RIN2: variants seen among roughly 807,000 people sequenced by gnomAD.
RIN2 encodes RAB5 interacting protein 2.
In RIN2, 36 loss-of-function variants were observed where a neutral mutation model predicts 78.0. The ratio of observed to expected loss-of-function variants is 0.46; its 90% CI spans 0.35 to 0.61. The LOEUF is 0.61. Ranked by LOEUF, RIN2 falls within the 20% of genes least tolerant of loss-of-function variation. The pLI is 0.00. For synonymous variants in RIN2, 466 were observed against 466.8 expected (o/e 1.00, Z 0.02); for missense variants, 1,087 against 1,159.7 (o/e 0.94, Z 0.91).
chr20:19,871,130 A>G (rs1299895510), intron 2 of RIN2, among the ~76,000 whole-genome samples: 1 of 152,210 alleles, frequency 6.6e-6, no homozygotes, highest in African/African-American at 2.4e-5. Context: ...TTATGAAGAG[A>G]AAGACAGGAG....
At chr20:19,999,045 C>T (rs911057057) in intron 12 of RIN2, among the ~76,000 whole-genome samples, 1 of 152,112 alleles carries the variant, frequency 6.6e-6, no homozygotes, top group East Asian at 1.9e-4. Context: ...GTTCAGCACT[C>T]GGCTCAGGGG....
intron 2 of RIN2, chr20:19,809,121 C>T (rs1251665780): frequency 6.6e-6 from 1 of 152,352 alleles, no homozygotes; most frequent in East Asian, 1.9e-4. Context: ...AAAAAGGAAG[C>T]CTCCTGAACT....
chr20:19,866,666 C>T (rs1395535441), intron 2 of RIN2, among the ~76,000 whole-genome samples: 2 of 151,950 alleles, frequency 1.3e-5, no homozygotes, highest in African/African-American at 4.8e-5. Flanking sequence ...CCTGTGTCAC[C>T]CAGGCGGGAG....
chr20:19,766,405 GA>G (rs1406151028), intron 1 of RIN2, among the ~76,000 whole-genome samples: 2 of 152,116 alleles, frequency 1.3e-5, no homozygotes, highest in Non-Finnish European at 2.9e-5. Flanking sequence ...ATCAGAGGTA[GA>G]GTCATTTCAA....
At chr20:19,910,570 CT>C (rs11476687) in intron 3 of RIN2, among the ~76,000 whole-genome samples, 30,935 of 127,702 alleles carry the variant, frequency 0.24, 3,632 homozygotes, top group East Asian at 0.48. Context: ...AGGAAGTGAA[CT>C]TTTTTTTTTT....
intron 2 of RIN2, chr20:19,886,858 A>G (rs2038221242): frequency 1.3e-6 from 1 of 789,404 alleles, no homozygotes; most frequent in Non-Finnish European, 2.0e-6. Flanking sequence ...ATCTGTGGGG[A>G]GGCATGGGGA....
At chr20:19,823,041 G>A (rs1168401208) in intron 2 of RIN2, among the ~76,000 whole-genome samples, 1 of 152,154 alleles carries the variant, frequency 6.6e-6, no homozygotes, top group Non-Finnish European at 1.5e-5. Context: ...GCTAAGAAGT[G>A]CTTTTTCATG....
At chr20:19,870,950 C>G (rs1397995134) in intron 2 of RIN2, among the ~76,000 whole-genome samples, 1 of 152,150 alleles carries the variant, frequency 6.6e-6, no homozygotes, top group Non-Finnish European at 1.5e-5. Context: ...TAGTTACTAT[C>G]GGTCCCCTTG....
At chr20:19,789,325 A>G (rs2034812214) in intron 1 of RIN2, among the ~76,000 whole-genome samples, 1 of 152,252 alleles carries the variant, frequency 6.6e-6, no homozygotes, top group South Asian at 2.1e-4. Context: ...TAGAAAAAAT[A>G]CAAGAGAAAT....
At chr20:19,885,384 G>A (rs1423445641) in intron 2 of RIN2, among the ~76,000 whole-genome samples, 2 of 152,274 alleles carry the variant, frequency 1.3e-5, no homozygotes, top group South Asian at 2.1e-4. Context: ...TGAAAATTGC[G>A]GCCGGGAGCG....
At chr20:19,862,467 C>A (rs2037372956) in intron 2 of RIN2, among the ~76,000 whole-genome samples, 1 of 152,170 alleles carries the variant, frequency 6.6e-6, no homozygotes, top group Non-Finnish European at 1.5e-5. Context: ...GTGGCAGGCA[C>A]CTGTAGTCCC....
intron 7 of RIN2, among the ~76,000 whole-genome samples, chr20:19,967,574 T>C (rs2041978466): frequency 6.6e-6 from 1 of 152,182 alleles, no homozygotes; most frequent in Non-Finnish European, 1.5e-5. Flanking sequence ...TTTGCCATAG[T>C]GGGAAGGCTC....
chr20:19,981,695 G>C (rs545800301), intron 9 of RIN2, among the ~76,000 whole-genome samples: 1 of 152,342 alleles, frequency 6.6e-6, no homozygotes, highest in South Asian at 2.1e-4. Context: ...AGAAACTGAA[G>C]TGGATCAAAG....
At chr20:19,794,490 C>T (rs1568757821) in intron 1 of RIN2, among the ~76,000 whole-genome samples, 1 of 143,280 alleles carries the variant, frequency 7.0e-6, no homozygotes, top group Non-Finnish European at 1.5e-5. Context: ...CAAAATTGCA[C>T]CACTGCACTC....
rs140082658 is a variant in RIN2 at position 19,971,931 on chromosome 20, G to A, written c.628+1002G>A. The stretch of plus-strand genomic sequence containing the variant: ...TAATGTTTGTATTTTCAGTAGCGAC[G>A]GCGTTTCACCACGTTGGCCAAGCTG... On this transcript the variant is annotated intron_variant, in intron 8 of 12. Transcript: ENST00000255006. 1.1e-3 allele frequency among the ~76,000 whole-genome samples: 164 copies of A among 152,056 alleles called. 1 individual carries two copies. The highest frequency in any genetic ancestry group is 0.01 in the Middle Eastern group (3 of 294).
chr20:19,931,341 A>G (rs891660865), intron 3 of RIN2, among the ~76,000 whole-genome samples: 5 of 152,024 alleles, frequency 3.3e-5, no homozygotes, highest in Non-Finnish European at 5.9e-5. Flanking sequence ...CGATCTCACT[A>G]TGTTGTCCAG....
chr20:19,790,919 G>A (rs1424725193), intron 1 of RIN2, among the ~76,000 whole-genome samples: 1 of 152,170 alleles, frequency 6.6e-6, no homozygotes. Flanking sequence ...GCCTTTCCAT[G>A]TGAATCCTCA....
At chr20:19,834,723 C>T (rs1044851376) in intron 2 of RIN2, among the ~76,000 whole-genome samples, 1 of 152,122 alleles carries the variant, frequency 6.6e-6, no homozygotes, top group Non-Finnish European at 1.5e-5. Flanking sequence ...TTTGTGGTAA[C>T]ATGTAGACCT....
intron 2 of RIN2, among the ~76,000 whole-genome samples, chr20:19,829,890 G>A (rs564114941): frequency 7.2e-5 from 11 of 152,320 alleles, no homozygotes; most frequent in Non-Finnish European, 1.5e-5. Flanking sequence ...CTCATTCCCT[G>A]CATCACTCAG....
Sources: allele counts gnomAD v4.1 joint callset (sites outside exome capture counted in the v4.1 genomes callset), GRCh38; gene constraint gnomAD v4.1.1; transcripts MANE v1.5; gene names NCBI Gene and HGNC (gene_info 2026-07-23, HGNC 2026-07-21).